TRANK1: variants seen among roughly 807,000 people sequenced by gnomAD.
TRANK1 encodes the protein tetratricopeptide repeat and ankyrin repeat containing 1, also known as TPR and ankyrin repeat-containing protein 1.
TRANK1 carries 198 observed loss-of-function variants against 266.0 expected under a neutral mutation model. The observed-to-expected ratio is 0.74, with a 90% CI of 0.66 to 0.84. The LOEUF (loss-of-function observed/expected upper bound fraction) is 0.84, where lower values mean the gene tolerates loss of function less well. Among genes scored for constraint, TRANK1 ranks in the 40% least tolerant of loss-of-function variants. The pLI is 0.00. For synonymous variants in TRANK1, 1,396 were observed against 1,384.1 expected, an observed-to-expected ratio of 1.01 and a Z score of -0.19; for missense variants, 3,326 against 3,634.6, an observed-to-expected ratio of 0.92 and a Z score of 2.18.
At chr3:36,840,296 TTCTA>T (rs2078826495) in intron 18 of TRANK1, among the ~76,000 whole-genome samples, 2 of 151,980 alleles carry the variant, frequency 1.3e-5, no homozygotes, top group Non-Finnish European at 1.5e-5. Flanking sequence ...TTCTTTCCAA[TTCTA>T]ACAAGGATGG....
At position 36,832,650 on chromosome 3, in the gene TRANK1, G is replaced by T; in HGVS notation, c.6933C>A (p.Ile2311=). 1 of 1,613,984 alleles carries T rather than the reference G, an allele frequency of 6.2e-7. No individual in the cohort carries two copies. The highest frequency in any genetic ancestry group is 1.1e-5 in the South Asian group (1 of 91,088). ...RFYRFALKEY[I]HFLFENESAR... ...CGCTTTCATTTTCAAACAGAAAGTG[G>T]ATGTACTCCTTCAAAGCAAATCTGT... Residue 2311 remains isoleucine, a synonymous_variant, in exon 22 of 24, where the codon ATC becomes ATA. Transcript: ENST00000645898.
At position 36,831,995 on chromosome 3, in the gene TRANK1, C is replaced by T. The variant is rs1275159234; in HGVS notation, c.7588G>A (p.Ala2530Thr). The T allele has an allele frequency of 6.2e-6, 10 of 1,613,980 alleles. No homozygotes were observed. The highest frequency in any genetic ancestry group is 3.3e-4 in the Middle Eastern group (2 of 6,062). Residue 2530 changes from alanine to threonine, a missense_variant, in exon 22 of 24, where the codon GCC becomes ACC. Ala to Thr is a moderately conservative substitution (Grantham distance 58, BLOSUM62 0). Transcript: ENST00000645898. The surrounding 1 kb of genome is among the most constrained non-coding windows in gnomAD (Gnocchi z 5.0). ...TTCTCATAGCCACATAGCACCTTGG[C>T]GAGGTAGGAGAGATGGAACCGGAAA... The part of the protein sequence containing the change: ...QDFRFHLSYL[A>T]KVLCGYENVN...
Position 36,833,529 on chromosome 3 carries a change from A to T in TRANK1, c.6054T>A (p.Asp2018Glu). ...ACAACTGGCCAGTTTGATAGCAGAT[A>T]TCAAGTGCTTCTCTCAGAATGTCCT... Reference protein sequence around the residue: ...HTKDILREALDICYQTGQLSG... With the variant: ...HTKDILREALEICYQTGQLSG... The change falls in exon 22 of 24, where the codon GAT becomes GAA. Residue 2018 changes from aspartate to glutamate, a missense_variant. Asp to Glu is a conservative substitution (Grantham distance 45). Transcript: ENST00000645898. The T allele has an allele frequency of 1.2e-6, 2 of 1,613,974 alleles. No individual in the cohort carries two copies. Among genetic ancestry groups the T allele is most frequent in the Non-Finnish European group, 1.7e-6 (2 of 1,179,876 alleles).
intron 11 of TRANK1, 24 bp downstream of exon 11, chr3:36,860,882 C>A (rs896672150): frequency 1.3e-6 from 2 of 1,536,018 alleles, no homozygotes; most frequent in South Asian, 2.4e-5. Flanking sequence ...AAGTCTCCAA[C>A]GCTTAGCATC....
chr3:36,832,375 T>C lies in TRANK1; in HGVS notation c.7208A>G (p.His2403Arg). 1 of 1,613,978 alleles carries C rather than the reference T, an allele frequency of 6.2e-7. No homozygotes were observed. Among genetic ancestry groups the C allele is most frequent in the Non-Finnish European group, 8.5e-7 (1 of 1,179,882 alleles). The change falls in exon 22 of 24, where the codon CAC becomes CGC. Residue 2403 changes from histidine to arginine, a missense_variant. Coordinates refer to ENST00000645898, the MANE Select transcript of TRANK1 (RefSeq NM_001329998.2). The part of the protein sequence containing the change: ...NRDDENMDKT[H>R]LCFIRLLENC... ...CTCCAGAAGCCGGATGAAGCACAGGTGGGTCTTGTCCATATTTTCATCATC... is the reference window on the plus strand; with the variant it reads ...CTCCAGAAGCCGGATGAAGCACAGGCGGGTCTTGTCCATATTTTCATCATC...
intron 1 of TRANK1, among the ~76,000 whole-genome samples, chr3:36,913,649 T>C (rs2080085456): frequency 6.6e-6 from 1 of 152,170 alleles, no homozygotes; most frequent in Non-Finnish European, 1.5e-5. Flanking sequence ...TTTTCTTTTT[T>C]TCTTGGGGAA....
chr3:36,882,997 G>A (rs2079551992), intron 8 of TRANK1, among the ~76,000 whole-genome samples: 1 of 152,118 alleles, frequency 6.6e-6, no homozygotes, highest in Non-Finnish European at 1.5e-5. Context: ...TGGTGAGACT[G>A]TTGTGAGAGA....
chr3:36,833,599 G>T lies in TRANK1; in HGVS notation c.5984C>A (p.Ala1995Asp), dbSNP rs764148574. The T allele has an allele frequency of 1.2e-6, 2 of 1,613,696 alleles. No individual in the cohort carries two copies. Among genetic ancestry groups the T allele is most frequent in the Admixed American group, 3.3e-5 (2 of 59,984 alleles). Residue 1995 changes from alanine (A) to aspartate (D), a missense_variant, in exon 22 of 24, where the codon GCC (alanine) becomes GAC (aspartate). Physicochemically the swap from Ala to Asp is moderately radical, Grantham distance 126. Coordinates refer to ENST00000645898, the MANE Select transcript of TRANK1 (RefSeq NM_001329998.2). ...ATCCCTGGCCACATTGAGGCGGGCG[G>T]CCCCCAGCAGACATGAGGCCTGGAA... Reference protein sequence around the residue: ...KDFQASCLLGAARLNVARDSD... With the variant: ...KDFQASCLLGDARLNVARDSD...
At chr3:36,944,727 G>T in intron 1 of TRANK1, 60 bp downstream of exon 1, 2 of 1,494,862 alleles carry the variant, frequency 1.3e-6, no homozygotes, top group Non-Finnish European at 1.8e-6. Context: ...CCTCCCGCCA[G>T]GAAGGGTGGC....
intron 1 of TRANK1, among the ~76,000 whole-genome samples, chr3:36,930,337 G>C (rs921351124): frequency 1.3e-5 from 2 of 152,146 alleles, no homozygotes; most frequent in Non-Finnish European, 2.9e-5. Context: ...ACCAGGAACT[G>C]GATCCTGCCA....
intron 1 of TRANK1, among the ~76,000 whole-genome samples, chr3:36,915,799 T>A (rs761691947): frequency 6.6e-6 from 1 of 152,208 alleles, no homozygotes; most frequent in African/African-American, 2.4e-5. Flanking sequence ...TCTGTTGGAA[T>A]TGACATTTAA....
At chr3:36,907,245 C>T (rs1011392003) in intron 2 of TRANK1, among the ~76,000 whole-genome samples, 2 of 152,096 alleles carry the variant, frequency 1.3e-5, no homozygotes, top group South Asian at 2.1e-4. Context: ...CTGCCTCCCA[C>T]GATCAAGCGA....
chr3:36,914,373 G>A (rs1050109662), intron 1 of TRANK1, among the ~76,000 whole-genome samples: 1 of 151,402 alleles, frequency 6.6e-6, no homozygotes, highest in Non-Finnish European at 1.5e-5. Context: ...GAGCTCAAGT[G>A]AGCGCTCAGG....
chr3:36,856,731 C>T lies in TRANK1; in HGVS notation c.2991G>A (p.Val997=). ...TGCCCTTCTCGGCCTCTGTGTCCTC[C>T]ACATAGCAGCGAGGTATACGCTTTT... ...KIQKRIPRCY[V]EDTEAEKGRE... Residue 997 remains valine (V), a synonymous_variant, in exon 13 of 24, where the codon GTG becomes GTA. Transcript: ENST00000645898. 6.2e-7 allele frequency: 1 copy of T among 1,614,036 alleles called. No individual in the cohort carries two copies. Among genetic ancestry groups the T allele is most frequent in the Non-Finnish European group, 8.5e-7 (1 of 1,179,902 alleles).
chr3:36,835,652 C>A (rs1376195335), intron 20 of TRANK1, among the ~76,000 whole-genome samples: 2 of 152,066 alleles, frequency 1.3e-5, no homozygotes, highest in Admixed American at 6.5e-5. Context: ...ATGAAATAAG[C>A]TAACTTTTAA....
In TRANK1 at chr3:36,827,897, A is replaced by G. The variant is rs762773362; in HGVS notation, c.*378T>C. On this transcript the variant is annotated 3_prime_UTR_variant, in exon 24 of 24. Coordinates refer to ENST00000645898, the MANE Select transcript of TRANK1 (RefSeq NM_001329998.2). ...GATTTCCTGGCCCAGAGCAGCAGCA[A>G]CTGAGGTGAGGAGAGTCTGTCCTAA... 3.0e-5 allele frequency: 5 copies of G among 167,576 alleles called. No individual in the cohort carries two copies. Among genetic ancestry groups the G allele is most frequent in the Non-Finnish European group, 5.2e-5 (4 of 77,280 alleles). The allele number at this position is 167,576 out of a possible 1,614,324, so 10.4% of individuals were successfully genotyped here.
rs376977641 is a variant in TRANK1, at chr3:36,855,756, C to T, written c.3966G>A (p.Thr1322=). ...TGDSDPRVYV[T]FEVFKNEIWP... ...ATATTTCATTTTTGAACACCTCAAACGTCACGTACACCCGGGGGTCACTGT... is the reference window on the plus strand; with the variant it reads ...ATATTTCATTTTTGAACACCTCAAATGTCACGTACACCCGGGGGTCACTGT... The change falls in exon 13 of 24, where the codon ACG becomes ACA. Residue 1322 remains threonine (T), a synonymous_variant. Transcript: ENST00000645898. The T allele has an allele frequency of 2.1e-5, 34 of 1,613,568 alleles. No homozygotes were observed. The highest frequency in any genetic ancestry group is 1.7e-4 in the African/African-American group (13 of 74,798).
intron 9 of TRANK1, 71 bp from the exon 10 acceptor site, chr3:36,864,551 C>T: frequency 7.2e-7 from 1 of 1,395,352 alleles, no homozygotes; most frequent in African/African-American, 1.4e-5. Flanking sequence ...AAAATAACCA[C>T]AATTCTCCAA....
chr3:36,911,902 C>T (rs1477672838), intron 1 of TRANK1, among the ~76,000 whole-genome samples: 1 of 152,120 alleles, frequency 6.6e-6, no homozygotes, highest in Non-Finnish European at 1.5e-5. Context: ...TATAAGAAGC[C>T]TCGGCCAGGC....
Sources: gnomAD v4.1 joint callset for allele counts (sites outside exome capture counted in the v4.1 genomes callset) on GRCh38, gnomAD v4.1.1 for gene constraint, Gnocchi (gnomAD v3.1) non-coding constraint, MANE v1.5 for transcripts, NCBI Gene and HGNC (gene_info 2026-07-23, HGNC 2026-07-21) for gene names.